The following CTNNA3 variants were observed in gnomAD, a reference collection of about 807,000 sequenced individuals.
CTNNA3 encodes the protein catenin alpha 3.
A neutral mutation model predicts 95.7 loss-of-function variants in CTNNA3; 76 were observed. That is an observed-to-expected ratio of 0.79 (90% CI 0.66 to 0.96). CTNNA3 has a LOEUF of 0.96. Ranked by LOEUF, CTNNA3 falls within the 40% of genes least tolerant of loss-of-function variation. The pLI is 0.00. For missense variants in CTNNA3, 1,191 were observed against 1,089.8 expected, an observed-to-expected ratio of 1.09 and a Z score of -1.31; for synonymous variants, 431 against 374.4, an observed-to-expected ratio of 1.15 and a Z score of -1.74.
chr10:67,713,548 T>A (rs1841124913), intron 1 of CTNNA3, among the ~76,000 whole-genome samples: 1 of 152,184 alleles, frequency 6.6e-6, no homozygotes, highest in South Asian at 2.1e-4. Context: ...TGCCCATCAA[T>A]GATAGACTGG....
intron 3 of CTNNA3, among the ~76,000 whole-genome samples, chr10:67,546,251 C>T (rs546882930): frequency 1.4e-4 from 21 of 152,086 alleles, no homozygotes; most frequent in Non-Finnish European, 2.6e-4. Flanking sequence ...CCTGCCTCAG[C>T]CTTCCAAGGA....
chr10:67,498,575 G>A (rs563933849), intron 5 of CTNNA3, among the ~76,000 whole-genome samples: 12 of 152,294 alleles, frequency 7.9e-5, no homozygotes, highest in Non-Finnish European at 1.3e-4. Flanking sequence ...AGCACGAAAT[G>A]TTTTTCCATT....
intron 12 of CTNNA3, among the ~76,000 whole-genome samples, chr10:66,310,431 C>CTA (rs1344050965): frequency 6.6e-6 from 1 of 152,152 alleles, no homozygotes; most frequent in East Asian, 1.9e-4. Flanking sequence ...GTACCCTAAA[C>CTA]TATTTCTATA....
intron 2 of CTNNA3, among the ~76,000 whole-genome samples, chr10:67,637,702 C>A (rs1350060844): frequency 6.6e-6 from 1 of 152,270 alleles, no homozygotes; most frequent in East Asian, 1.9e-4. Flanking sequence ...AGAGTGGGGG[C>A]CAATATTCAA....
At chr10:67,455,228 T>C (rs1053068410) in intron 5 of CTNNA3, among the ~76,000 whole-genome samples, 4 of 152,088 alleles carry the variant, frequency 2.6e-5, no homozygotes, top group African/African-American at 9.7e-5. Flanking sequence ...TTAGATACAA[T>C]AAAATAGGGT....
intron 7 of CTNNA3, among the ~76,000 whole-genome samples, chr10:66,978,873 A>G (rs1316535862): frequency 6.6e-6 from 1 of 151,328 alleles, no homozygotes; most frequent in Non-Finnish European, 1.5e-5. Flanking sequence ...TAAATTTCAC[A>G]AAGCCTATTA....
At chr10:66,469,221 T>C (rs1005849571) in intron 11 of CTNNA3, among the ~76,000 whole-genome samples, 1 of 151,906 alleles carries the variant, frequency 6.6e-6, no homozygotes, top group African/African-American at 2.4e-5. Flanking sequence ...CACAAACATA[T>C]GTTTGAAAGT....
intron 3 of CTNNA3, among the ~76,000 whole-genome samples, chr10:67,602,312 C>T (rs12247489): frequency 1.3e-5 from 2 of 152,126 alleles, no homozygotes. Flanking sequence ...CTTAAAATTC[C>T]TTCCAAGCTT....
At chr10:66,164,200 C>T (rs1237621767) in intron 13 of CTNNA3, among the ~76,000 whole-genome samples, 1 of 151,930 alleles carries the variant, frequency 6.6e-6, no homozygotes. Flanking sequence ...AACTTGCAGG[C>T]CAATCACATT....
intron 10 of CTNNA3, among the ~76,000 whole-genome samples, chr10:66,557,619 C>G (rs1842430025): frequency 6.6e-6 from 1 of 152,056 alleles, no homozygotes; most frequent in Non-Finnish European, 1.5e-5. Context: ...TCTGATTGAT[C>G]ACAATGTCTA....
Position 66,591,134 on chromosome 10 carries a change from G to T in CTNNA3, c.1374+30558C>A, listed in dbSNP as rs550183522. On this transcript the variant is annotated intron_variant, in intron 10 of 17. Coordinates refer to ENST00000433211, the MANE Select transcript of CTNNA3 (RefSeq NM_013266.4). ...CAGAACATCATCTGTATCATTTTAA[G>T]AACTTGAGTTGTCTCCTAGAATTGT... Among the ~76,000 whole-genome samples the T allele has an allele frequency of 2.0e-5, 3 of 152,254 alleles. No individual in the cohort carries two copies. In the East Asian group the frequency reaches 5.8e-4, roughly 29 times the overall value.
At chr10:66,443,712 C>A (rs932382264) in intron 11 of CTNNA3, among the ~76,000 whole-genome samples, 1 of 151,918 alleles carries the variant, frequency 6.6e-6, no homozygotes, top group Non-Finnish European at 1.5e-5. Flanking sequence ...GATAAAAACA[C>A]AAAGATGGGG....
chr10:67,521,149 A>G (rs1199583507), intron 5 of CTNNA3, among the ~76,000 whole-genome samples: 1 of 152,210 alleles, frequency 6.6e-6, no homozygotes, highest in African/African-American at 2.4e-5. Flanking sequence ...AAACTGGAGC[A>G]GATTCAGCCT....
intron 11 of CTNNA3, among the ~76,000 whole-genome samples, chr10:66,517,174 T>C (rs1487015670): frequency 7.9e-5 from 12 of 151,954 alleles, no homozygotes; most frequent in Non-Finnish European, 1.6e-4. Flanking sequence ...TGAGCCAAGA[T>C]TGCGCCACTG....
intron 2 of CTNNA3, among the ~76,000 whole-genome samples, chr10:67,637,112 T>C (rs1460019179): frequency 6.6e-6 from 1 of 152,058 alleles, no homozygotes; most frequent in African/African-American, 2.4e-5. Flanking sequence ...GTTAAAAACC[T>C]TGAAAAAAGA....
chr10:67,686,028 C>A (rs2133577994), intron 1 of CTNNA3, among the ~76,000 whole-genome samples: 1 of 152,266 alleles, frequency 6.6e-6, no homozygotes, highest in South Asian at 2.1e-4. Flanking sequence ...TTTTGGCAGT[C>A]TTATACTCCT....
In CTNNA3 at chr10:66,009,752, A is replaced by G. The variant is rs114536459; in HGVS notation, c.2160-20955T>C. Among the ~76,000 whole-genome samples, 806 of 152,260 alleles carry G rather than the reference A, an allele frequency of 5.3e-3. 6 individuals are homozygous for G. Among genetic ancestry groups the G allele is most frequent in the African/African-American group, 0.016 (662 of 41,546 alleles). ...TTCTACCTCATGGTTATGTATATAG[A>G]TATCTTAGTTCTTGAACAAGATTGT... On this transcript the variant is annotated intron_variant, in intron 15 of 17. Coordinates refer to ENST00000433211, the MANE Select transcript of CTNNA3 (RefSeq NM_013266.4).
chr10:67,743,024 A>G (rs1276013330), intron 1 of CTNNA3, among the ~76,000 whole-genome samples: 3 of 151,332 alleles, frequency 2.0e-5, no homozygotes, highest in African/African-American at 7.3e-5. Flanking sequence ...CTTACCAACC[A>G]AAAACACTCC....
Position 66,520,550 on chromosome 10 carries a change from C to T in CTNNA3, c.1531+67G>A, listed in dbSNP as rs1017735395. 3.5e-6 allele frequency: 5 copies of T among 1,433,496 alleles called. No individual in the cohort carries two copies. The African/African-American group carries it at 4.4e-5, about 13-fold the overall frequency. 88.8% of individuals were successfully genotyped at this position (1,433,496 alleles called of 1,614,324 possible). ...TACAGGCATGAGCCACCATGCCTGT[C>T]CCAGTATTATTCTATTTTATAAAAT... On this transcript the variant is annotated intron_variant, in intron 11 of 17. Coordinates refer to ENST00000433211, the MANE Select transcript of CTNNA3 (RefSeq NM_013266.4).
Sources: gnomAD v4.1 joint callset for allele counts (sites outside exome capture counted in the v4.1 genomes callset) on GRCh38, gnomAD v4.1.1 for gene constraint, MANE v1.5 for transcripts, NCBI Gene and HGNC (gene_info 2026-07-23, HGNC 2026-07-21) for gene names.